Variants in AIM2 observed in about 807,000 individuals in gnomAD.
The protein encoded by AIM2 is interferon-inducible protein AIM2.
A neutral mutation model predicts 27.7 loss-of-function variants in AIM2; 30 were observed. That is an observed-to-expected ratio of 1.08 (90% confidence interval 0.81 to 1.47). The LOEUF is 1.47. AIM2 is among the 40% of genes most tolerant of loss of function. The pLI, the probability that AIM2 is intolerant of heterozygous loss-of-function variation, is 0.00. For synonymous variants in AIM2, 141 were observed against 145.3 expected, an observed-to-expected ratio of 0.97 and a Z score of 0.21; for missense variants, 358 against 411.3, an observed-to-expected ratio of 0.87 and a Z score of 1.12.
chr1:159,100,989 T>C (rs1657299694), intron 1 of AIM2, among the ~76,000 whole-genome samples: 1 of 152,224 alleles, frequency 6.6e-6, no homozygotes, highest in Non-Finnish European at 1.5e-5. Flanking sequence ...TCAGGCTGTC[T>C]CATCTACATA....
downstream of AIM2, among the ~76,000 whole-genome samples, chr1:159,061,485 T>C (rs112382483): frequency 0.063 from 9,514 of 151,730 alleles, 397 homozygotes; most frequent in African/African-American, 0.11. Flanking sequence ...CTCCGCCTCC[T>C]GGGTTCAAGT....
chr1:159,075,913 A>G (rs1025959747), intron 1 of AIM2, among the ~76,000 whole-genome samples: 1 of 152,212 alleles, frequency 6.6e-6, no homozygotes, highest in African/African-American at 2.4e-5. Flanking sequence ...CAGTAGAGTC[A>G]ATGTTAATAA....
At chr1:159,066,369 A>C (rs1656095083) in intron 3 of AIM2, 40 bp from the exon 4 acceptor site, 1 of 1,569,672 alleles carries the variant, frequency 6.4e-7, no homozygotes, top group Non-Finnish European at 8.6e-7. Flanking sequence ...GTGAGTCAAA[A>C]AGGTACTATT....
chr1:159,111,341 C>T (rs909903209), intron 1 of AIM2, among the ~76,000 whole-genome samples: 1 of 152,142 alleles, frequency 6.6e-6, no homozygotes, highest in Admixed American at 6.5e-5. Flanking sequence ...CATTACAAAG[C>T]AAAGCAAAAT....
chr1:159,070,905 C>A (rs1007484849), intron 2 of AIM2, among the ~76,000 whole-genome samples: 1 of 152,188 alleles, frequency 6.6e-6, no homozygotes, highest in African/African-American at 2.4e-5. Context: ...AGGAATCAAC[C>A]TACCATTCTA....
chr1:159,094,916 G>T (rs1462410076), intron 1 of AIM2, among the ~76,000 whole-genome samples: 1 of 151,058 alleles, frequency 6.6e-6, no homozygotes, highest in Non-Finnish European at 1.5e-5. Context: ...ATGCGAAAAA[G>T]GTAAAAAAAA....
downstream of AIM2, among the ~76,000 whole-genome samples, chr1:159,058,048 A>T (rs552567076): frequency 1.3e-5 from 2 of 152,130 alleles, no homozygotes; most frequent in African/African-American, 4.8e-5. Context: ...GAGTTCTTGG[A>T]CCTGTTAGAA....
At chr1:159,093,894 C>T (rs1006051265) in intron 1 of AIM2, among the ~76,000 whole-genome samples, 1 of 112,276 alleles carries the variant, frequency 8.9e-6, no homozygotes. Context: ...TACCACCATG[C>T]CTGGATATTT....
intron 1 of AIM2, among the ~76,000 whole-genome samples, chr1:159,098,486 G>A (rs1657226132): frequency 6.6e-6 from 1 of 151,772 alleles, no homozygotes; most frequent in African/African-American, 2.4e-5. Flanking sequence ...ATAGTCATAT[G>A]TGCTTAGCGG....
chr1:159,056,739 A>AC, the AIM2 span, among the ~76,000 whole-genome samples: 2 of 147,984 alleles, frequency 1.4e-5, no homozygotes, highest in African/African-American at 2.6e-5. Context: ...AAAAAAAAAA[A>AC]AAAAAAAAAC....
In AIM2 at chr1:159,087,949, T is replaced by A. The variant is rs555331284; in HGVS notation, c.-15-21620A>T. ...CTGCATTGCCAGAGTGATCCTTTGATCCCTAAGTTTTTTTGCATAATTAAA... is the reference window on the plus strand; with the variant it reads ...CTGCATTGCCAGAGTGATCCTTTGAACCCTAAGTTTTTTTGCATAATTAAA... On this transcript the variant is annotated intron_variant, in intron 1 of 2. Coordinates refer to the AIM2 transcript ENST00000368129. Among the ~76,000 whole-genome samples the A allele has an allele frequency of 3.2e-4, 49 of 152,324 alleles. No homozygotes were observed. The South Asian group carries it at 0.01, about 32-fold the overall frequency.
chr1:159,090,202 A>T (rs1426940422), intron 1 of AIM2, among the ~76,000 whole-genome samples: 5 of 152,326 alleles, frequency 3.3e-5, no homozygotes, highest in Non-Finnish European at 1.5e-5. Flanking sequence ...AGGTGTTCCC[A>T]AGAGCACCCT....
chr1:159,110,453 C>T (rs16841691), intron 1 of AIM2, among the ~76,000 whole-genome samples: 8,915 of 152,114 alleles, frequency 0.059, 838 homozygotes, highest in African/African-American at 0.2. Flanking sequence ...TTAGAAGCAC[C>T]GCTAGGTACA....
In AIM2 at chr1:159,068,550, C is replaced by A; in HGVS notation, c.396+18G>T. The A allele has an allele frequency of 6.3e-7, 1 of 1,598,730 alleles. No homozygotes were observed. Among genetic ancestry groups the A allele is most frequent in the East Asian group, 2.3e-5 (1 of 44,044 alleles). On this transcript the variant is annotated intron_variant, in intron 3 of 5. Transcript: ENST00000368130. ...TGCTCTTACAAGGACAAAGACCACT[C>A]CACTCTCCTTATCCTACCTTAACAT...
At position 159,063,702 on chromosome 1, in the gene AIM2, CT is replaced by C. The variant is rs757657524; in HGVS notation, c.817-29del. ...ATAAAAGAAAATCAACACCCAGCCT[CT>C]GATAATCGGATTAATGAATGCCGCA... On this transcript the variant is annotated intron_variant, in intron 4 of 5. Coordinates refer to ENST00000368130, the MANE Select transcript of AIM2 (RefSeq NM_004833.3). 3.1e-6 allele frequency: 5 copies of C among 1,601,148 alleles called. No homozygotes were observed. In the African/African-American group the frequency reaches 6.7e-5, roughly 22 times the overall value.
chr1:159,063,829 T>A (rs1484990951), intron 4 of AIM2, among the ~76,000 whole-genome samples, 155 bp from the exon 5 acceptor site: 1 of 152,136 alleles, frequency 6.6e-6, no homozygotes, highest in East Asian at 1.9e-4. Context: ...TATATGGGAA[T>A]TTTCCTCTGT....
intron 1 of AIM2, among the ~76,000 whole-genome samples, chr1:159,124,060 T>A: frequency 6.6e-6 from 1 of 152,292 alleles, no homozygotes; most frequent in Non-Finnish European, 1.5e-5. Context: ...CACCCCTAAC[T>A]CCTTTCAATT....
intron 1 of AIM2, among the ~76,000 whole-genome samples, chr1:159,092,553 C>A (rs1449470474): frequency 6.6e-6 from 1 of 152,158 alleles, no homozygotes; most frequent in Non-Finnish European, 1.5e-5. Context: ...TAGGCAACAT[C>A]ATGTCAGGAA....
chr1:159,077,607 T>C (rs1304601277), upstream of AIM2, among the ~76,000 whole-genome samples: 6 of 152,186 alleles, frequency 3.9e-5, no homozygotes, highest in African/African-American at 1.4e-4. Flanking sequence ...TATCTACTAG[T>C]GGGGCAATCC....
Sources: gnomAD v4.1 joint callset for allele counts (sites outside exome capture counted in the v4.1 genomes callset) on GRCh38, gnomAD v4.1.1 for gene constraint, MANE v1.5 for transcripts, NCBI Gene and HGNC (gene_info 2026-07-23, HGNC 2026-07-21) for gene names.